The following PCNX2 variants were observed in gnomAD, a reference collection of about 807,000 sequenced individuals.
PCNX2 encodes the protein pecanex 2.
In PCNX2, 168 loss-of-function variants were observed where a neutral mutation model predicts 223.8. The ratio of observed to expected loss-of-function variants is 0.75; its 90% CI spans 0.66 to 0.85. The LOEUF (loss-of-function observed/expected upper bound fraction) is 0.85, where lower values mean the gene tolerates loss of function less well. Among genes scored for constraint, PCNX2 ranks in the 40% least tolerant of loss-of-function variants. PCNX2 has a pLI of 0.00. For missense variants in PCNX2, 2,507 were observed against 2,675.5 expected, an observed-to-expected ratio of 0.94 and a Z score of 1.39; for synonymous variants, 1,006 against 1,052.6, an observed-to-expected ratio of 0.96 and a Z score of 0.86.
At chr1:233,278,437 C>T (rs1661022392) in intron 1 of PCNX2, among the ~76,000 whole-genome samples, 1 of 152,248 alleles carries the variant, frequency 6.6e-6, no homozygotes, top group African/African-American at 2.4e-5. Context: ...GATCCTGCAG[C>T]AGTGACATCA....
At chr1:233,211,892 C>T in intron 12 of PCNX2, 1 of 846,650 alleles carries the variant, frequency 1.2e-6, no homozygotes, top group South Asian at 5.4e-5. Flanking sequence ...GGACTCTGGG[C>T]AGAGAAAAGG....
rs1197984895 is a variant in PCNX2 at position 233,200,115 on chromosome 1, G to GA, written c.2974+38dup. 2.8e-6 allele frequency: 4 copies of GA among 1,450,652 alleles called. No individual in the cohort carries two copies. In the Admixed American group the frequency reaches 8.4e-5, roughly 30 times the overall value. The allele number at this position is 1,450,652 out of a possible 1,614,324, so 89.9% of individuals were successfully genotyped here. On this transcript the variant is annotated intron_variant, in intron 14 of 33. Coordinates refer to ENST00000258229, the MANE Select transcript of PCNX2 (RefSeq NM_014801.4). ...GCTATTTAGTCCTTATCTGAACTCT[G>GA]AATTCCTTTACAGGAAGAATAGAAT...
intron 24 of PCNX2, among the ~76,000 whole-genome samples, chr1:233,056,663 T>C (rs1279524702): frequency 2.0e-5 from 3 of 152,228 alleles, no homozygotes; most frequent in African/African-American, 7.2e-5. Context: ...AGATTTTGGG[T>C]CACAAAGAAG....
At chr1:233,180,162 A>G (rs899068086) in intron 15 of PCNX2, among the ~76,000 whole-genome samples, 1 of 152,264 alleles carries the variant, frequency 6.6e-6, no homozygotes, top group African/African-American at 2.4e-5. Context: ...CCAGGGAACA[A>G]GCATTTCTAA....
chr1:233,289,163 G>C (rs1043586872), intron 1 of PCNX2: 4 of 838,022 alleles, frequency 4.8e-6, no homozygotes, highest in Non-Finnish European at 8.5e-6. Flanking sequence ...TCCTTTAAGC[G>C]ATAAAGACAA....
intron 25 of PCNX2, among the ~76,000 whole-genome samples, chr1:233,043,826 G>C (rs6673754): frequency 1 from 148,415 of 148,430 alleles, 74,200 homozygotes; most frequent in Middle Eastern, 1. Context: ...ATTTGGGTTG[G>C]TTCCAAGTCT....
intron 32 of PCNX2, among the ~76,000 whole-genome samples, chr1:232,997,502 A>G (rs3753424): frequency 0.22 from 33,608 of 152,004 alleles, 3,853 homozygotes; most frequent in African/African-American, 0.24. Context: ...TAAAACCACT[A>G]ACATGCTCCA....
intron 10 of PCNX2, among the ~76,000 whole-genome samples, chr1:233,224,008 A>G (rs114356995): frequency 0.011 from 1,747 of 152,202 alleles, 40 homozygotes; most frequent in African/African-American, 0.04. Context: ...CATGGCACCT[A>G]TTACAGTTTT....
intron 17 of PCNX2, among the ~76,000 whole-genome samples, chr1:233,162,219 G>A (rs1008298837): frequency 2.4e-4 from 37 of 152,118 alleles, no homozygotes; most frequent in Non-Finnish European, 4.7e-4. Context: ...CAATATTGCT[G>A]GCTGAACAAT....
Position 233,241,066 on chromosome 1 carries a change from A to G in PCNX2, c.2223-4086T>C, listed in dbSNP as rs897680143. 2.9e-5 allele frequency: 20 copies of G among 678,566 alleles called. 1 individual carries two copies. The South Asian group carries it at 1.3e-3, about 43-fold the overall frequency. 42.0% of individuals were successfully genotyped at this position (678,566 alleles called of 1,614,324 possible). ...GCGCATAGAGGGACACAGAAATGAA[A>G]GTCCCAGCAACATGTTCAACATGTA... is the stretch of plus-strand genomic sequence containing the variant. On this transcript the variant is annotated intron_variant, in intron 8 of 33. Transcript: ENST00000258229.
intron 9 of PCNX2, 54 bp downstream of exon 9, chr1:233,236,791 T>G (rs1267715226): frequency 6.3e-7 from 1 of 1,590,922 alleles, no homozygotes; most frequent in Non-Finnish European, 8.6e-7. Context: ...AAAAAGGTTT[T>G]AAGATCCCCT....
At chr1:233,192,463 T>A (rs1396463974) in intron 15 of PCNX2, among the ~76,000 whole-genome samples, 1 of 152,162 alleles carries the variant, frequency 6.6e-6, no homozygotes, top group Non-Finnish European at 1.5e-5. Flanking sequence ...AAAACAGGTC[T>A]ATGAACTGAA....
At chr1:233,201,512 A>C (rs1433223380) in intron 13 of PCNX2, 6 of 152,362 alleles carry the variant, frequency 3.9e-5, no homozygotes, top group African/African-American at 1.2e-4. Context: ...ATTTTAATCC[A>C]CAAAATTCCA....
At chr1:233,080,541 G>A (rs1342272762) in intron 23 of PCNX2, among the ~76,000 whole-genome samples, 1 of 152,090 alleles carries the variant, frequency 6.6e-6, no homozygotes, top group Non-Finnish European at 1.5e-5. Flanking sequence ...CTGGAAGTCC[G>A]AGATGAGGGT....
intron 17 of PCNX2, among the ~76,000 whole-genome samples, chr1:233,168,101 G>C (rs1032201836): frequency 6.6e-6 from 1 of 152,054 alleles, no homozygotes; most frequent in Non-Finnish European, 1.5e-5. Flanking sequence ...TACTGTGTTA[G>C]ATATTACAAA....
intron 8 of PCNX2, among the ~76,000 whole-genome samples, chr1:233,249,810 A>G (rs942755485): frequency 2.6e-5 from 4 of 152,210 alleles, no homozygotes; most frequent in African/African-American, 9.7e-5. Flanking sequence ...TAGTGGCTTT[A>G]AAGAGAGAAT....
At chr1:233,146,466 T>C (rs1386422213) in intron 19 of PCNX2, among the ~76,000 whole-genome samples, 1 of 152,212 alleles carries the variant, frequency 6.6e-6, no homozygotes, top group Non-Finnish European at 1.5e-5. Flanking sequence ...TCTCATAAAG[T>C]ACAATCAGTT....
intron 23 of PCNX2, among the ~76,000 whole-genome samples, chr1:233,087,944 T>C (rs1673687053): frequency 6.6e-6 from 1 of 152,152 alleles, no homozygotes; most frequent in Admixed American, 6.5e-5. Context: ...TGCTAATATC[T>C]GTGTTATTTA....
intron 21 of PCNX2, among the ~76,000 whole-genome samples, chr1:233,120,087 A>G (rs1182522213): frequency 6.6e-6 from 1 of 150,742 alleles, no homozygotes; most frequent in Non-Finnish European, 1.5e-5. Context: ...GAATCTCTTG[A>G]ACCCGGGAGG....
Sources: allele counts gnomAD v4.1 joint callset (sites outside exome capture counted in the v4.1 genomes callset), GRCh38; gene constraint gnomAD v4.1.1; transcripts MANE v1.5; gene names NCBI Gene and HGNC (gene_info 2026-07-23, HGNC 2026-07-21).